FOXO3: variants seen among roughly 807,000 people sequenced by gnomAD.
The protein encoded by FOXO3 is forkhead box O3.
FOXO3 carries 4 observed loss-of-function variants against 41.9 expected under a neutral mutation model. The ratio of observed to expected loss-of-function variants is 0.10; its 90% CI spans 0.05 to 0.22. FOXO3 has a LOEUF of 0.22. Among genes scored for constraint, FOXO3 ranks in the 10% least tolerant of loss-of-function variants. The pLI is 1.00. For synonymous variants in FOXO3, 318 were observed against 389.3 expected (o/e 0.82, Z 2.16); for missense variants, 534 against 906.8 (o/e 0.59, Z 5.28).
intron 1 of FOXO3, among the ~76,000 whole-genome samples, chr6:108,659,660 G>C (rs1307254868): frequency 6.6e-6 from 1 of 151,364 alleles, no homozygotes. Context: ...GCAATTAGGG[G>C]ACCTGGGTGG....
At chr6:108,676,063 C>G (rs558580819) in intron 2 of FOXO3, among the ~76,000 whole-genome samples, 8 of 152,272 alleles carry the variant, frequency 5.3e-5, no homozygotes, top group Non-Finnish European at 8.8e-5. Flanking sequence ...CTTGCTCTCA[C>G]CAGAGACCAG....
chr6:108,629,639 C>T lies in FOXO3; in HGVS notation c.622-33816C>T, dbSNP rs112513200. Among the ~76,000 whole-genome samples the T allele has an allele frequency of 3.0e-3, 462 of 152,016 alleles. 1 individual carries two copies. Among genetic ancestry groups the T allele is most frequent in the South Asian group, 8.5e-3 (41 of 4,804 alleles). On this transcript the variant is annotated intron_variant, in intron 1 of 2. Coordinates refer to ENST00000406360, the MANE Select transcript of FOXO3 (RefSeq NM_001455.4). ...TTTTTGCTTTATAGTAAAACCTCTCCGGCAGAATTATTTTATAATCTTTTT... is the reference window on the plus strand; with the variant it reads ...TTTTTGCTTTATAGTAAAACCTCTCTGGCAGAATTATTTTATAATCTTTTT...
chr6:108,586,956 A>G (rs577633421), intron 1 of FOXO3, among the ~76,000 whole-genome samples: 17 of 145,926 alleles, frequency 1.2e-4, no homozygotes, highest in African/African-American at 4.0e-4. Context: ...TATTATTATT[A>G]TTATTATTAT....
chr6:108,606,470 A>G (rs1450879963), intron 1 of FOXO3, among the ~76,000 whole-genome samples: 1 of 152,224 alleles, frequency 6.6e-6, no homozygotes, highest in Admixed American at 6.5e-5. Flanking sequence ...TGGCAATGCC[A>G]CTGGTATAAC....
At chr6:108,564,636 A>G (rs1334398468) in intron 1 of FOXO3, among the ~76,000 whole-genome samples, 1 of 152,208 alleles carries the variant, frequency 6.6e-6, no homozygotes, top group African/African-American at 2.4e-5. Context: ...TGAAAGAATT[A>G]GAAAAGAGGA....
Position 108,561,819 on chromosome 6 carries a change from C to T in FOXO3, c.611C>T (p.Ala204Val). ...FKDKGDSNSS[A>V]GWKNSIRHNL... ...GATAAGGGCGACAGCAACAGCTCTG[C>T]CGGCTGGAAGGTGCGTACCCACCCC... Residue 204 changes from alanine (A) to valine (V), a missense_variant, in exon 1 of 3, where the codon GCC (alanine) becomes GTC (valine). Coordinates refer to ENST00000406360, the MANE Select transcript of FOXO3 (RefSeq NM_001455.4). 2 of 1,579,814 alleles carry T rather than the reference C, an allele frequency of 1.3e-6. No homozygotes were observed. Among genetic ancestry groups the T allele is most frequent in the Non-Finnish European group, 1.7e-6 (2 of 1,163,900 alleles).
At chr6:108,661,098 C>T (rs773885993) in intron 1 of FOXO3, among the ~76,000 whole-genome samples, 25 of 151,374 alleles carry the variant, frequency 1.7e-4, no homozygotes, top group Non-Finnish European at 3.1e-4. Context: ...AAAAATTAGC[C>T]AGGTGTGGTG....
At chr6:108,618,060 C>T in intron 1 of FOXO3, 1 of 712,254 alleles carries the variant, frequency 1.4e-6, no homozygotes, top group Non-Finnish European at 2.6e-6. Context: ...TCTCCATTTC[C>T]AACTGTACAG....
Position 108,670,152 on chromosome 6 carries a change from T to C in FOXO3, c.*34+5263T>C, listed in dbSNP as rs150059023. On this transcript the variant is annotated intron_variant, in intron 2 of 2. Coordinates refer to ENST00000406360, the MANE Select transcript of FOXO3 (RefSeq NM_001455.4). ...ATTGCCTCCTAGAGGTCCTCCTTGG[T>C]CTTGGGCCAAGTGGGAGAATGTTTG... Among the ~76,000 whole-genome samples, 1,371 of 152,204 alleles carry C rather than the reference T, an allele frequency of 9.0e-3. 11 individuals carry two copies. The highest frequency in any genetic ancestry group is 0.02 in the Middle Eastern group (6 of 294).
At chr6:108,616,980 T>C (rs1777534175) in intron 1 of FOXO3, among the ~76,000 whole-genome samples, 1 of 152,260 alleles carries the variant, frequency 6.6e-6, no homozygotes, top group South Asian at 2.1e-4. Flanking sequence ...TTTTTATTGC[T>C]AAATAATAAT....
intron 1 of FOXO3, among the ~76,000 whole-genome samples, chr6:108,574,555 T>A (rs1776209483): frequency 6.6e-6 from 1 of 152,184 alleles, no homozygotes; most frequent in Non-Finnish European, 1.5e-5. Context: ...TGAAAGATAT[T>A]AAAATTATTT....
chr6:108,652,159 A>C (rs1332494320), intron 1 of FOXO3, among the ~76,000 whole-genome samples: 1 of 152,214 alleles, frequency 6.6e-6, no homozygotes, highest in African/African-American at 2.4e-5. Context: ...AGAACACAGA[A>C]GCCTCCAGAC....
chr6:108,600,263 G>A (rs1024178973), intron 1 of FOXO3, among the ~76,000 whole-genome samples: 4 of 152,048 alleles, frequency 2.6e-5, no homozygotes, highest in East Asian at 1.9e-4. Flanking sequence ...ACTATGTGTG[G>A]GCCAGGTATG....
Position 108,663,615 on chromosome 6 carries a change from C to T in FOXO3, c.782C>T (p.Thr261Ile), listed in dbSNP as rs771516569. 1.2e-5 allele frequency: 20 copies of T among 1,613,452 alleles called. No homozygotes were observed. The highest frequency in any genetic ancestry group is 1.5e-5 in the Non-Finnish European group (18 of 1,179,670). Residue 261 changes from threonine to isoleucine, a missense_variant, in exon 2 of 3, where the codon ACC becomes ATC. By Grantham distance (89) the Thr-to-Ile change is moderately conservative. Around this residue, in one of 8 missense-constraint regions of FOXO3, gnomAD observed 77 missense variants for 193.2 expected, o/e 0.40. Coordinates refer to ENST00000406360, the MANE Select transcript of FOXO3 (RefSeq NM_001455.4). ...AVSMDNSNKY[T>I]KSRGRAAKKK... is the part of the protein sequence containing the mutation. The stretch of plus-strand genomic sequence containing the variant: ...TCCATGGACAATAGCAACAAGTATA[C>T]CAAGAGCCGTGGCCGCGCAGCCAAG...
At chr6:108,588,015 G>C (rs1167984251) in intron 1 of FOXO3, among the ~76,000 whole-genome samples, 1 of 152,136 alleles carries the variant, frequency 6.6e-6, no homozygotes, top group Non-Finnish European at 1.5e-5. Context: ...TTTGCAGTCA[G>C]GCAAAAGGAA....
At chr6:108,679,104 C>T (rs528092533) in intron 2 of FOXO3, among the ~76,000 whole-genome samples, 37 of 151,926 alleles carry the variant, frequency 2.4e-4, no homozygotes, top group Non-Finnish European at 4.3e-4. Context: ...ATCTCCTGAC[C>T]TCGTGATCTG....
intron 1 of FOXO3, among the ~76,000 whole-genome samples, chr6:108,566,590 G>A (rs1331726703): frequency 6.6e-6 from 1 of 152,042 alleles, no homozygotes; most frequent in African/African-American, 2.4e-5. Context: ...TTTAAAGACT[G>A]TTTAGGCCTG....
At chr6:108,634,879 G>A (rs1369044868) in intron 1 of FOXO3, among the ~76,000 whole-genome samples, 2 of 151,842 alleles carry the variant, frequency 1.3e-5, no homozygotes, top group African/African-American at 4.8e-5. Flanking sequence ...TTTATATAAA[G>A]TTTAAAAATA....
chr6:108,624,669 T>G (rs1434413245), intron 1 of FOXO3, among the ~76,000 whole-genome samples: 3 of 152,204 alleles, frequency 2.0e-5, no homozygotes, highest in African/African-American at 7.2e-5. Context: ...ATATTTTATA[T>G]TTCTTAAAAT....
Sources: allele counts gnomAD v4.1 joint callset (sites outside exome capture counted in the v4.1 genomes callset), GRCh38; gene constraint gnomAD v4.1.1; regional missense constraint gnomAD v4.1.1; transcripts MANE v1.5; gene names NCBI Gene and HGNC (gene_info 2026-07-23, HGNC 2026-07-21).